The following CORO7 variants were observed in gnomAD, a reference collection of about 807,000 sequenced individuals.
CORO7 encodes the protein coronin-7.
In CORO7, 107 loss-of-function variants were observed where a neutral mutation model predicts 126.6. The ratio of observed to expected loss-of-function variants is 0.85; its 90% CI spans 0.72 to 0.99. The LOEUF is 0.99. Among genes scored for constraint, CORO7 ranks in the 50% least tolerant of loss-of-function variants. The probability of loss-of-function intolerance (pLI) is 0.00; values close to 1 mark genes in which losing one functional copy is unlikely to be tolerated. For synonymous variants in CORO7, 603 were observed against 536.8 expected (o/e 1.12, Z -1.70); for missense variants, 1,314 against 1,255.8 (o/e 1.05, Z -0.70).
intron 9 of CORO7, among the ~76,000 whole-genome samples, chr16:4,379,436 G>A (rs778700445): frequency 3.3e-5 from 5 of 152,068 alleles, no homozygotes; most frequent in Admixed American, 6.5e-5. Flanking sequence ...AGCCTGGAGC[G>A]GCTGGTGGGA....
chr16:4,355,550 G>T, intron 26 of CORO7, 178 bp from the exon 27 acceptor site: 1 of 653,150 alleles, frequency 1.5e-6, no homozygotes, highest in Admixed American at 2.8e-5. Flanking sequence ...CTCACTGCAA[G>T]CTCTGCCTCC....
At chr16:4,368,146 A>G (rs143712352) in intron 9 of CORO7, among the ~76,000 whole-genome samples, 1 of 151,874 alleles carries the variant, frequency 6.6e-6, no homozygotes, top group Admixed American at 6.6e-5. Flanking sequence ...CAGCAGTTTG[A>G]GACCAGCCAG....
intron 7 of CORO7, among the ~76,000 whole-genome samples, chr16:4,393,199 T>C (rs990594377): frequency 1.3e-4 from 20 of 152,182 alleles, no homozygotes; most frequent in African/African-American, 4.8e-4. Context: ...CCCTGGGCTC[T>C]GGAGAGGAGA....
intron 6 of CORO7, among the ~76,000 whole-genome samples, chr16:4,399,254 A>C (rs984968619): frequency 6.6e-6 from 1 of 152,220 alleles, no homozygotes. Flanking sequence ...CTGATGGATA[A>C]ATGGATAAAC....
intron 23 of CORO7, 60 bp from the exon 24 acceptor site, chr16:4,358,543 A>C (rs923915470): frequency 1.3e-6 from 2 of 1,498,148 alleles, no homozygotes; most frequent in Non-Finnish European, 1.8e-6. Flanking sequence ...CTGGGCACGT[A>C]GTCTCCCCAG....
At position 4,413,391 on chromosome 16, in the gene CORO7, T is replaced by C. The variant is rs756653623; in HGVS notation, c.74A>G (p.Asp25Gly). 7.6e-6 allele frequency: 12 copies of C among 1,574,322 alleles called. No homozygotes were observed. Among genetic ancestry groups the C allele is most frequent in the Non-Finnish European group, 2.6e-6 (3 of 1,158,464 alleles). The change falls in exon 2 of 28, where the codon GAC becomes GGC. Residue 25 changes from aspartate to glycine, a missense_variant. Coordinates refer to ENST00000251166, the MANE Select transcript of CORO7 (RefSeq NM_024535.5). ...TGAAGGGGCGGTTCCTGCTCGAATG[T>C]CACTGATCCAGGACTGAAAATCAAG... The part of the protein sequence containing the change: ...RPPRRESWIS[D>G]IRAGTAPSCR...
intron 1 of CORO7, 103 bp from the exon 2 acceptor site, chr16:4,413,507 A>C (rs932901056): frequency 9.7e-7 from 1 of 1,025,692 alleles, no homozygotes; most frequent in East Asian, 2.8e-5. Flanking sequence ...TCTAGCTCAC[A>C]GCTGCACCAT....
chr16:4,368,526 T>G (rs886672497), intron 9 of CORO7, among the ~76,000 whole-genome samples: 2 of 151,738 alleles, frequency 1.3e-5, no homozygotes, highest in African/African-American at 4.8e-5. Flanking sequence ...GGGAGGCCGA[T>G]CACTTTGGGT....
Position 4,362,090 on chromosome 16 carries a change from C to G in CORO7, c.1473G>C (p.Lys491Asn). ...CACCAGGTGTGGTGAGGTTGAGCCC[C>G]TTGAGGTTGGTGATGTGGCTGTCTC... Reference protein sequence around the residue: ...LHRDSHITNLKGLNLTTPGES... With the variant: ...LHRDSHITNLNGLNLTTPGES... The change falls in exon 16 of 28, where the codon AAG becomes AAC. Residue 491 changes from lysine (K) to asparagine (N), a missense_variant. By Grantham distance (94) the Lys-to-Asn change is moderately conservative. Transcript: ENST00000251166. The surrounding 1 kb of genome is among the most constrained non-coding windows in gnomAD (Gnocchi z 5.3). 6 of 1,613,098 alleles carry G rather than the reference C, an allele frequency of 3.7e-6. No homozygotes were observed. The highest frequency in any genetic ancestry group is 5.1e-6 in the Non-Finnish European group (6 of 1,179,916).
Position 4,355,299 on chromosome 16 carries a change from T to G in CORO7, c.2759A>C (p.Asp920Ala), listed in dbSNP as rs574263199. Residue 920 changes from aspartate (D) to alanine (A), a missense_variant, in exon 27 of 28, where the codon GAC (aspartate) becomes GCC (alanine). By Grantham distance (126) the Asp-to-Ala change is moderately radical. Coordinates refer to ENST00000251166, the MANE Select transcript of CORO7 (RefSeq NM_024535.5). ...PLPQDSFEGVDEDEWD is the reference protein window; with the variant it reads ...PLPQDSFEGVAEDEWD ...CTCACTACTCACCCACTCGTCCTCG[T>G]CCACGCCTTCAAAGGAGTCCTGGGG... 1.2e-6 allele frequency: 2 copies of G among 1,613,502 alleles called. No homozygotes were observed. The highest frequency in any genetic ancestry group is 4.5e-5 in the East Asian group (2 of 44,874).
intron 10 of CORO7, among the ~76,000 whole-genome samples, chr16:4,365,283 G>C (rs1032149520): frequency 2.0e-5 from 3 of 152,204 alleles, no homozygotes; most frequent in South Asian, 4.1e-4. Flanking sequence ...GTGTACGTCA[G>C]TATTTATGGA....
At chr16:4,383,058 GT>G (rs2055058813) in intron 9 of CORO7, 1 of 793,884 alleles carries the variant, frequency 1.3e-6, no homozygotes, top group African/African-American at 1.8e-5. Flanking sequence ...CTGGACCTCG[GT>G]CTCCTCATCT....
Position 4,360,516 on chromosome 16 carries a change from C to T in CORO7, c.1950G>A (p.Gln650=), listed in dbSNP as rs2141182666. Residue 650 remains glutamine, a synonymous_variant, in exon 20 of 28, where the codon CAG becomes CAA. Transcript: ENST00000251166. ...IFSLAWSPDG[Q]QLATVCKDGR... is the part of the protein sequence containing the mutation. ...CATCCTTGCAGACAGTGGCCAGCTG[C>T]TGCCCATCAGGACTCCAGGCCAGGC... 1 of 1,610,684 alleles carries T rather than the reference C, an allele frequency of 6.2e-7. No individual in the cohort carries two copies. The highest frequency in any genetic ancestry group is 8.5e-7 in the Non-Finnish European group (1 of 1,178,980).
chr16:4,364,890 C>T lies in CORO7; in HGVS notation c.929G>A (p.Arg310His), dbSNP rs771161557. The T allele has an allele frequency of 3.2e-5, 51 of 1,611,234 alleles. No homozygotes were observed. Among genetic ancestry groups the T allele is most frequent in the Middle Eastern group, 1.6e-4 (1 of 6,078 alleles). The change falls in exon 12 of 28, where the codon CGT becomes CAT. Residue 310 changes from arginine (R) to histidine (H), a missense_variant. Coordinates refer to ENST00000251166, the MANE Select transcript of CORO7 (RefSeq NM_024535.5). ...VTQCVLESVLRGAALVPRQAL... is the reference protein window; with the variant it reads ...VTQCVLESVLHGAALVPRQAL... ...CTGCCGGGGCACAAGGGCAGCCCCACGCAGCACGCTCTCCAGGACACACTG... is the reference window on the plus strand; with the variant it reads ...CTGCCGGGGCACAAGGGCAGCCCCATGCAGCACGCTCTCCAGGACACACTG...
intron 7 of CORO7, among the ~76,000 whole-genome samples, chr16:4,390,917 A>G (rs1482680723): frequency 1.3e-5 from 2 of 152,254 alleles, no homozygotes; most frequent in Non-Finnish European, 1.5e-5. Flanking sequence ...TGCTTCCAGC[A>G]AACATCCTGG....
chr16:4,394,865 G>A (rs1451719560), intron 7 of CORO7, among the ~76,000 whole-genome samples: 2 of 152,214 alleles, frequency 1.3e-5, no homozygotes, highest in African/African-American at 2.4e-5. Flanking sequence ...ACCAGAACAC[G>A]CTCAGTCCCT....
intron 23 of CORO7, 87 bp from the exon 24 acceptor site, chr16:4,358,570 A>C: frequency 1.6e-6 from 2 of 1,265,088 alleles, no homozygotes; most frequent in African/African-American, 1.5e-5. Context: ...GGCACCCCTC[A>C]CTTAGGACCA....
At chr16:4,400,205 A>C (rs2055748840) in intron 6 of CORO7, among the ~76,000 whole-genome samples, 1 of 152,210 alleles carries the variant, frequency 6.6e-6, no homozygotes, top group South Asian at 2.1e-4. Context: ...TTTAGTTAAT[A>C]ATAATGTATC....
chr16:4,403,863 T>C (rs573246622), intron 6 of CORO7, among the ~76,000 whole-genome samples: 5 of 152,174 alleles, frequency 3.3e-5, no homozygotes, highest in Non-Finnish European at 7.4e-5. Flanking sequence ...CCCCTCTGCC[T>C]GGGACGCCCG....
Sources: gnomAD v4.1 joint callset for allele counts (sites outside exome capture counted in the v4.1 genomes callset) on GRCh38, gnomAD v4.1.1 for gene constraint, Gnocchi (gnomAD v3.1) non-coding constraint, MANE v1.5 for transcripts, NCBI Gene and HGNC (gene_info 2026-07-23, HGNC 2026-07-21) for gene names.